Variants in DPP10 observed in about 807,000 individuals in gnomAD.
DPP10 encodes the protein dipeptidyl peptidase like 10.
Under a neutral mutation model 120.9 loss-of-function variants are expected in DPP10, and 33 were observed. That is an observed-to-expected ratio of 0.27 (90% CI 0.21 to 0.37). The LOEUF (loss-of-function observed/expected upper bound fraction) is 0.37, where lower values mean the gene tolerates loss of function less well. Among genes scored for constraint, DPP10 ranks in the 10% least tolerant of loss-of-function variants. The pLI is 1.00. For synonymous variants in DPP10, 337 were observed against 326.1 expected (o/e 1.03, Z -0.36); for missense variants, 816 against 942.8 (o/e 0.87, Z 1.76).
At chr2:114,757,853 C>T (rs13017277) in intron 1 of DPP10, among the ~76,000 whole-genome samples, 1 of 151,636 alleles carries the variant, frequency 6.6e-6, no homozygotes, top group African/African-American at 2.4e-5. Flanking sequence ...AGATAAAAGT[C>T]GACTTACTTT....
At chr2:114,788,607 C>T (rs775459322) in intron 1 of DPP10, among the ~76,000 whole-genome samples, 33 of 151,840 alleles carry the variant, frequency 2.2e-4, no homozygotes, top group African/African-American at 4.8e-4. Context: ...TTAGTAGAGA[C>T]GGGGTTTCAC....
chr2:115,166,217 T>C (rs559419891), intron 1 of DPP10, among the ~76,000 whole-genome samples: 1 of 152,228 alleles, frequency 6.6e-6, no homozygotes, highest in African/African-American at 2.4e-5. Context: ...CCTTTGCTAA[T>C]ATATACACAT....
chr2:115,599,012 T>C (rs1276554387), intron 5 of DPP10, among the ~76,000 whole-genome samples: 1 of 152,008 alleles, frequency 6.6e-6, no homozygotes, highest in African/African-American at 2.4e-5. Flanking sequence ...CTGCTCTCTT[T>C]TGTTCTTCAT....
At position 114,935,249 on chromosome 2, in the gene DPP10, G is replaced by C. The variant is rs151113918; in HGVS notation, c.61-373990G>C. Among the ~76,000 whole-genome samples, 943 of 150,032 alleles carry C rather than the reference G, an allele frequency of 6.3e-3. 2 individuals are homozygous for C. The highest frequency in any genetic ancestry group is 0.022 in the African/African-American group (893 of 40,630). ...GCCCCTTCGTCATCGTTTCCCTTCT[G>C]TTGAAAGCAAACCTCCTCTCAATGC... On this transcript the variant is annotated intron_variant, in intron 1 of 25. Transcript: ENST00000410059.
chr2:114,582,301 T>C (rs1690597717), intron 1 of DPP10, among the ~76,000 whole-genome samples: 1 of 152,232 alleles, frequency 6.6e-6, no homozygotes, highest in African/African-American at 2.4e-5. Context: ...CTGAATAATA[T>C]TCCATTGTCT....
At chr2:115,161,667 A>C in intron 1 of DPP10, 1 of 306,630 alleles carries the variant, frequency 3.3e-6, no homozygotes, top group Non-Finnish European at 5.9e-6. Context: ...CCGCTGCACT[A>C]ACTTGCCGCT....
intron 5 of DPP10, among the ~76,000 whole-genome samples, chr2:115,588,684 G>C (rs530079884): frequency 1.3e-5 from 2 of 152,296 alleles, no homozygotes; most frequent in South Asian, 4.1e-4. Flanking sequence ...AGCAGAATTT[G>C]ATTTGTAATT....
At chr2:115,420,290 T>C (rs2069820841) in intron 3 of DPP10, among the ~76,000 whole-genome samples, 1 of 152,280 alleles carries the variant, frequency 6.6e-6, no homozygotes, top group Non-Finnish European at 1.5e-5. Context: ...ACACAAGGCC[T>C]GATGAGAACT....
At chr2:114,586,135 C>A (rs190023730) in intron 1 of DPP10, among the ~76,000 whole-genome samples, 3 of 152,230 alleles carry the variant, frequency 2.0e-5, no homozygotes, top group Admixed American at 1.3e-4. Flanking sequence ...CCTGTAGTCC[C>A]AGCTACTTAG....
At chr2:115,550,023 A>G (rs1024831667) in intron 5 of DPP10, among the ~76,000 whole-genome samples, 5 of 152,108 alleles carry the variant, frequency 3.3e-5, no homozygotes, top group African/African-American at 1.2e-4. Flanking sequence ...AACTCCATCT[A>G]TGCAGCTCAG....
At chr2:115,703,006 C>T (rs1216148333) in intron 7 of DPP10, among the ~76,000 whole-genome samples, 1 of 151,654 alleles carries the variant, frequency 6.6e-6, no homozygotes. Context: ...CATTGTAGAA[C>T]GTTTTGAAAT....
chr2:114,688,454 T>A (rs1380292281), intron 1 of DPP10, among the ~76,000 whole-genome samples: 1 of 151,938 alleles, frequency 6.6e-6, no homozygotes, highest in Non-Finnish European at 1.5e-5. Flanking sequence ...TGGAAGAGGC[T>A]GTGCATTCAT....
intron 15 of DPP10, among the ~76,000 whole-genome samples, chr2:115,779,825 G>T (rs1368025956): frequency 6.6e-6 from 1 of 151,896 alleles, no homozygotes; most frequent in African/African-American, 2.4e-5. Context: ...AAGTTATCAT[G>T]AGTGAAACTA....
chr2:114,945,693 G>A (rs1347042896), intron 1 of DPP10, among the ~76,000 whole-genome samples: 3 of 152,192 alleles, frequency 2.0e-5, no homozygotes, highest in African/African-American at 4.8e-5. Context: ...GCGGACACCT[G>A]TAATCCCAGC....
chr2:114,456,414 G>A (rs914108568), intron 1 of DPP10, among the ~76,000 whole-genome samples: 1 of 152,204 alleles, frequency 6.6e-6, no homozygotes, highest in African/African-American at 2.4e-5. Flanking sequence ...AGAGGCATCT[G>A]TAGCAATCTT....
intron 1 of DPP10, among the ~76,000 whole-genome samples, chr2:114,528,039 G>A (rs1218331325): frequency 1.3e-5 from 2 of 152,128 alleles, no homozygotes; most frequent in Non-Finnish European, 2.9e-5. Flanking sequence ...AGAGTGGAGT[G>A]TCAATGCAAA....
chr2:115,022,539 T>G (rs1454815609), intron 1 of DPP10, among the ~76,000 whole-genome samples: 2 of 152,104 alleles, frequency 1.3e-5, no homozygotes, highest in East Asian at 3.9e-4. Context: ...ATGCTCATGA[T>G]GAGGAGAGTC....
At chr2:115,451,792 A>G (rs1250834438) in intron 3 of DPP10, among the ~76,000 whole-genome samples, 1 of 152,016 alleles carries the variant, frequency 6.6e-6, no homozygotes, top group Non-Finnish European at 1.5e-5. Context: ...TGAAATACTC[A>G]TGTTTTTATA....
At chr2:114,898,610 A>G (rs1182640981) in intron 1 of DPP10, among the ~76,000 whole-genome samples, 1 of 152,220 alleles carries the variant, frequency 6.6e-6, no homozygotes, top group African/African-American at 2.4e-5. Flanking sequence ...ATGTAGCAGT[A>G]ATTTAGTCAA....
Sources: gnomAD v4.1 joint callset for allele counts (sites outside exome capture counted in the v4.1 genomes callset) on GRCh38, gnomAD v4.1.1 for gene constraint, MANE v1.5 for transcripts, NCBI Gene and HGNC (gene_info 2026-07-23, HGNC 2026-07-21) for gene names.